Variants in SERP2 observed in about 807,000 individuals in gnomAD.
The protein encoded by SERP2 is stress associated endoplasmic reticulum protein family member 2.
Under a neutral mutation model 9.1 loss-of-function variants are expected in SERP2, and 6 were observed. The ratio of observed to expected loss-of-function variants is 0.66; its 90% CI spans 0.36 to 1.30. The LOEUF (loss-of-function observed/expected upper bound fraction) is 1.30, where lower values mean the gene tolerates loss of function less well. SERP2 is among the 50% of genes most tolerant of loss of function. The pLI, the probability that SERP2 is intolerant of heterozygous loss-of-function variation, is 0.03. For missense variants in SERP2, 58 were observed against 81.9 expected (o/e 0.71, Z 1.13); for synonymous variants, 37 against 27.3 (o/e 1.35, Z -1.10).
intron 2 of SERP2, among the ~76,000 whole-genome samples, chr13:44,392,050 T>G (rs1348596140): frequency 6.6e-6 from 1 of 150,960 alleles, no homozygotes; most frequent in East Asian, 2.0e-4. Context: ...CAAAAAAAAT[T>G]AGCTGGGCAT....
At chr13:44,374,183 C>CGGGCGGGTAGCGGCGCA in intron 1 of SERP2, 74 bp downstream of exon 1, 1 of 401,564 alleles carries the variant, frequency 2.5e-6, no homozygotes, top group Non-Finnish European at 4.0e-6. Context: ...GGGGCGGGGC[C>CGGGCGGGTAGCGGCGCA]GGGCGGGTAG....
At chr13:44,382,357 AAC>A (rs1299125587) in intron 2 of SERP2, among the ~76,000 whole-genome samples, 1 of 150,848 alleles carries the variant, frequency 6.6e-6, no homozygotes, top group African/African-American at 2.4e-5. Flanking sequence ...GAATGGCGTG[AAC>A]CAGGGAGGTG....
intron 2 of SERP2, among the ~76,000 whole-genome samples, chr13:44,388,216 A>G (rs1480318864): frequency 1.3e-5 from 2 of 151,948 alleles, no homozygotes; most frequent in African/African-American, 4.8e-5. Context: ...TTCTGGTTGA[A>G]GTGAAGTCTG....
intron 2 of SERP2, among the ~76,000 whole-genome samples, chr13:44,393,551 T>C (rs1015535015): frequency 2.0e-5 from 3 of 152,172 alleles, no homozygotes; most frequent in African/African-American, 7.2e-5. Flanking sequence ...GAACGCCTGC[T>C]GTCCCTCCCT....
chr13:44,381,370 G>A (rs1821953356), intron 2 of SERP2, among the ~76,000 whole-genome samples: 2 of 151,704 alleles, frequency 1.3e-5, no homozygotes, highest in South Asian at 4.2e-4. Context: ...GTGAAACCCT[G>A]TCTCTACTAA....
Position 44,383,714 on chromosome 13 carries a change from A to AT in SERP2, c.157+4019dup, listed in dbSNP as rs146628198. Among the ~76,000 whole-genome samples, 454 of 137,476 alleles carry AT rather than the reference A, an allele frequency of 3.3e-3. 2 individuals carry two copies. Among genetic ancestry groups the AT allele is most frequent in the East Asian group, 0.01 (50 of 4,784 alleles). 90.2% of individuals were successfully genotyped at this position (137,476 alleles called of 152,430 possible). A position where few individuals can be genotyped will look rare whatever the true frequency, so the allele number is the denominator to read the frequency against. ...AAGCACGCACCACCATGCCCAGCTA[A>AT]TTTTTTTTTTTTTTTTTTAGTAGTG... is the stretch of plus-strand genomic sequence containing the variant. On this transcript the variant is annotated intron_variant, in intron 2 of 2. Coordinates refer to ENST00000379179, the MANE Select transcript of SERP2 (RefSeq NM_001010897.3).
At chr13:44,394,009 G>A (rs75360624) in intron 2 of SERP2, among the ~76,000 whole-genome samples, 4,507 of 152,260 alleles carry the variant, frequency 0.03, 121 homozygotes, top group Non-Finnish European at 0.044. Flanking sequence ...GTTAATTCAT[G>A]GATTCAATTA....
At chr13:44,381,681 T>C (rs1412918917) in intron 2 of SERP2, among the ~76,000 whole-genome samples, 3 of 152,216 alleles carry the variant, frequency 2.0e-5, no homozygotes, top group Non-Finnish European at 4.4e-5. Flanking sequence ...TGCAGTTACT[T>C]TTTAACAGTT....
At chr13:44,388,285 T>C (rs1872438810) in intron 2 of SERP2, among the ~76,000 whole-genome samples, 1 of 151,950 alleles carries the variant, frequency 6.6e-6, no homozygotes, top group South Asian at 2.1e-4. Flanking sequence ...TTTTTGTGTG[T>C]GTGTTTGTTT....
At chr13:44,387,459 G>A (rs1872382805) in intron 2 of SERP2, among the ~76,000 whole-genome samples, 1 of 152,170 alleles carries the variant, frequency 6.6e-6, no homozygotes. Flanking sequence ...TATTGCCACG[G>A]TATTCACAAG....
At chr13:44,392,599 G>A (rs1872845798) in intron 2 of SERP2, among the ~76,000 whole-genome samples, 1 of 152,060 alleles carries the variant, frequency 6.6e-6, no homozygotes, top group Non-Finnish European at 1.5e-5. Flanking sequence ...CACAGGTCTT[G>A]GTTATCAATT....
At chr13:44,374,229 C>T (rs1871499093) in intron 1 of SERP2, 120 bp downstream of exon 1, 1 of 671,640 alleles carries the variant, frequency 1.5e-6, no homozygotes, top group Non-Finnish European at 2.2e-6. Flanking sequence ...CCCGGCCCGC[C>T]CCTTCTGCGG....
At chr13:44,395,787 C>G (rs1196688362) in intron 2 of SERP2, 2 of 456,906 alleles carry the variant, frequency 4.4e-6, no homozygotes, top group East Asian at 1.4e-4. Context: ...CTAACAGTTT[C>G]TGTTTTCAGC....
chr13:44,376,149 G>A (rs1871635471), intron 1 of SERP2, among the ~76,000 whole-genome samples: 1 of 152,326 alleles, frequency 6.6e-6, no homozygotes, highest in Non-Finnish European at 1.5e-5. Flanking sequence ...CTTTGCATTG[G>A]TTGGGGGGAT....
chr13:44,379,619 A>G (rs1478832613), intron 1 of SERP2, 22 bp from the exon 2 acceptor site: 1 of 1,581,678 alleles, frequency 6.3e-7, no homozygotes, highest in Non-Finnish European at 8.7e-7. Context: ...ACCTAATCTT[A>G]CTTTTTCCCA....
intron 2 of SERP2, among the ~76,000 whole-genome samples, chr13:44,395,480 T>C (rs1268986453): frequency 6.6e-6 from 1 of 151,886 alleles, no homozygotes; most frequent in East Asian, 1.9e-4. Flanking sequence ...AGCGGGCACC[T>C]GTAGTCCCAG....
At chr13:44,390,179 C>T (rs1163709577) in intron 2 of SERP2, among the ~76,000 whole-genome samples, 1 of 152,110 alleles carries the variant, frequency 6.6e-6, no homozygotes, top group Non-Finnish European at 1.5e-5. Flanking sequence ...CCTATTTTTC[C>T]TGCCAGAAAA....
At chr13:44,381,194 C>T (rs1311175579) in intron 2 of SERP2, among the ~76,000 whole-genome samples, 9 of 145,388 alleles carry the variant, frequency 6.2e-5, no homozygotes, top group African/African-American at 1.0e-4. Context: ...CCAGAGATCG[C>T]GCCATTGCAC....
intron 1 of SERP2, among the ~76,000 whole-genome samples, chr13:44,377,705 G>A (rs1871743032): frequency 6.6e-6 from 1 of 152,164 alleles, no homozygotes; most frequent in African/African-American, 2.4e-5. Flanking sequence ...TCTCATGTAG[G>A]AGAGATACAG....
Sources: allele counts gnomAD v4.1 joint callset (sites outside exome capture counted in the v4.1 genomes callset), GRCh38; gene constraint gnomAD v4.1.1; transcripts MANE v1.5; gene names NCBI Gene and HGNC (gene_info 2026-07-23, HGNC 2026-07-21).